Variants in SPATA17 observed in about 807,000 individuals in gnomAD.
SPATA17 encodes the protein spermatogenesis associated 17.
In SPATA17, 53 loss-of-function variants were observed where a neutral mutation model predicts 62.2. The ratio of observed to expected loss-of-function variants is 0.85; its 90% CI spans 0.68 to 1.07. The LOEUF is 1.07. Among genes scored for constraint, SPATA17 ranks in the 50% least tolerant of loss-of-function variants. The pLI, the probability that SPATA17 is intolerant of heterozygous loss-of-function variation, is 0.00. For synonymous variants in SPATA17, 146 were observed against 146.8 expected (o/e 0.99, Z 0.04); for missense variants, 466 against 425.5 (o/e 1.10, Z -0.84).
intron 9 of SPATA17, among the ~76,000 whole-genome samples, chr1:217,861,253 A>G (rs1675891534): frequency 6.6e-6 from 1 of 151,882 alleles, no homozygotes; most frequent in Admixed American, 6.6e-5. Flanking sequence ...GTTTTATTTC[A>G]TCTTCATTTA....
intron 8 of SPATA17, among the ~76,000 whole-genome samples, chr1:217,792,663 C>A (rs1037967836): frequency 1.3e-5 from 2 of 152,098 alleles, no homozygotes; most frequent in East Asian, 3.9e-4. Flanking sequence ...TGCTCACATA[C>A]CCCATAGGCT....
chr1:217,794,163 G>A, intron 8 of SPATA17, among the ~76,000 whole-genome samples: 1 of 151,552 alleles, frequency 6.6e-6, no homozygotes, highest in Non-Finnish European at 1.5e-5. Flanking sequence ...AACTAAAAAG[G>A]ATATCTAGGA....
chr1:217,793,918 A>G (rs1674068608), intron 8 of SPATA17, among the ~76,000 whole-genome samples: 1 of 152,006 alleles, frequency 6.6e-6, no homozygotes, highest in Non-Finnish European at 1.5e-5. Context: ...GATCGAGACC[A>G]TCCTGGCTAT....
intron 6 of SPATA17, among the ~76,000 whole-genome samples, chr1:217,748,730 C>T (rs189108958): frequency 4.9e-5 from 6 of 123,046 alleles, no homozygotes; most frequent in Non-Finnish European, 9.7e-5. Context: ...GGTGGCAGAG[C>T]AAGACTCTGA....
chr1:217,798,243 C>T (rs758255097), intron 8 of SPATA17, among the ~76,000 whole-genome samples: 18 of 152,118 alleles, frequency 1.2e-4, no homozygotes, highest in Non-Finnish European at 2.4e-4. Flanking sequence ...AAGTAAACTA[C>T]TACTTGAACG....
chr1:217,703,023 C>T (rs1671638113), intron 5 of SPATA17, among the ~76,000 whole-genome samples: 1 of 151,712 alleles, frequency 6.6e-6, no homozygotes, highest in Non-Finnish European at 1.5e-5. Context: ...ATTACAAGCG[C>T]CCACACCATA....
At chr1:217,788,854 A>T (rs1673925955) in intron 8 of SPATA17, among the ~76,000 whole-genome samples, 1 of 152,232 alleles carries the variant, frequency 6.6e-6, no homozygotes, top group Non-Finnish European at 1.5e-5. Context: ...GATTTGTTAT[A>T]ACAGCAAAAG....
intron 6 of SPATA17, among the ~76,000 whole-genome samples, chr1:217,748,164 A>G (rs12131568): frequency 0.46 from 69,797 of 151,542 alleles, 17,513 homozygotes; most frequent in Non-Finnish European, 0.58. Context: ...TTAGCCAGGC[A>G]TGGTGGCGAG....
intron 6 of SPATA17, among the ~76,000 whole-genome samples, chr1:217,756,120 A>G (rs888423885): frequency 1.3e-5 from 2 of 152,214 alleles, no homozygotes; most frequent in Non-Finnish European, 2.9e-5. Context: ...CGATTAACTA[A>G]TAAATGAATG....
chr1:217,653,038 A>G (rs1670361278), intron 3 of SPATA17, among the ~76,000 whole-genome samples: 1 of 152,208 alleles, frequency 6.6e-6, no homozygotes, highest in South Asian at 2.1e-4. Flanking sequence ...CTATCGAGGC[A>G]GTTTGCTTAG....
intron 5 of SPATA17, among the ~76,000 whole-genome samples, chr1:217,710,155 T>C (rs1236627940): frequency 2.0e-5 from 3 of 152,202 alleles, no homozygotes; most frequent in African/African-American, 4.8e-5. Context: ...GTGTGGTACA[T>C]ATGCAAAAAC....
At chr1:217,816,635 T>C (rs2102994636) in intron 9 of SPATA17, among the ~76,000 whole-genome samples, 1 of 152,132 alleles carries the variant, frequency 6.6e-6, no homozygotes, top group South Asian at 2.1e-4. Context: ...CAATTGTAAC[T>C]ACTTGATAGT....
chr1:217,659,612 T>C (rs371309604), intron 3 of SPATA17, among the ~76,000 whole-genome samples: 2 of 152,022 alleles, frequency 1.3e-5, no homozygotes, highest in East Asian at 3.9e-4. Flanking sequence ...GTGCCTAGGG[T>C]TCTCAGCTCC....
chr1:217,638,182 G>C (rs573821477), intron 1 of SPATA17, among the ~76,000 whole-genome samples: 46 of 151,838 alleles, frequency 3.0e-4, no homozygotes, highest in African/African-American at 1.0e-3. Context: ...TTTTATTGCT[G>C]TATTATATAC....
chr1:217,702,059 A>G (rs1671611711), intron 5 of SPATA17, among the ~76,000 whole-genome samples: 2 of 150,252 alleles, frequency 1.3e-5, no homozygotes, highest in Admixed American at 6.6e-5. Context: ...TATGCAGATA[A>G]TGTTTTCTAT....
intron 1 of SPATA17, among the ~76,000 whole-genome samples, chr1:217,646,919 C>G (rs1365129002): frequency 6.6e-6 from 1 of 151,884 alleles, no homozygotes; most frequent in African/African-American, 2.4e-5. Context: ...AACCAACAAA[C>G]AAACAAAAAA....
chr1:217,828,084 A>G (rs1477848027), intron 9 of SPATA17, among the ~76,000 whole-genome samples: 3 of 152,162 alleles, frequency 2.0e-5, no homozygotes, highest in African/African-American at 7.2e-5. Flanking sequence ...CAAAAATCCT[A>G]AAATTTGTAT....
At chr1:217,676,971 C>T (rs973882884) in intron 4 of SPATA17, among the ~76,000 whole-genome samples, 2 of 152,126 alleles carry the variant, frequency 1.3e-5, no homozygotes, top group African/African-American at 4.8e-5. Context: ...CCTATACTCG[C>T]TTAGTGAAAT....
intron 1 of SPATA17, among the ~76,000 whole-genome samples, chr1:217,644,789 G>A (rs1670143224): frequency 1.3e-5 from 2 of 151,734 alleles, no homozygotes; most frequent in Admixed American, 1.3e-4. Flanking sequence ...TACATTACTG[G>A]TAATACTTTT....
Sources: gnomAD v4.1 joint callset for allele counts (sites outside exome capture counted in the v4.1 genomes callset) on GRCh38, gnomAD v4.1.1 for gene constraint, MANE v1.5 for transcripts, NCBI Gene and HGNC (gene_info 2026-07-23, HGNC 2026-07-21) for gene names.